GATAD2B: variants seen among roughly 807,000 people sequenced by gnomAD.
The protein encoded by GATAD2B is transcriptional repressor p66-beta.
GATAD2B carries 8 observed loss-of-function variants against 64.3 expected under a neutral mutation model. That is an observed-to-expected ratio of 0.12 (90% CI 0.07 to 0.22). The LOEUF is 0.22. GATAD2B is among the 10% of genes least tolerant of loss of function. The probability of loss-of-function intolerance (pLI) is 1.00; values close to 1 mark genes in which losing one functional copy is unlikely to be tolerated. For missense variants in GATAD2B, 453 were observed against 752.0 expected (o/e 0.60, Z 4.65); for synonymous variants, 281 against 271.3 (o/e 1.04, Z -0.35).
chr1:153,915,741 T>TAAAAAAA (rs56236211), intron 1 of GATAD2B, among the ~76,000 whole-genome samples: 2 of 98,086 alleles, frequency 2.0e-5, no homozygotes, highest in African/African-American at 3.7e-5. Flanking sequence ...CTTGTCTATA[T>TAAAAAAA]AAAAAAAAAA....
At chr1:153,898,083 C>T (rs1033916603) in intron 1 of GATAD2B, among the ~76,000 whole-genome samples, 17 of 150,256 alleles carry the variant, frequency 1.1e-4, no homozygotes, top group Non-Finnish European at 1.9e-4. Flanking sequence ...GCAGGCCAAT[C>T]GCTTCAGTCC....
chr1:153,900,111 T>C (rs546800537), intron 1 of GATAD2B, among the ~76,000 whole-genome samples: 19 of 152,250 alleles, frequency 1.2e-4, no homozygotes, highest in Admixed American at 9.2e-4. Context: ...ATATATATTC[T>C]ATTAAAAATT....
intron 1 of GATAD2B, chr1:153,890,742 T>A (rs1232692167): frequency 1.3e-5 from 2 of 152,214 alleles, no homozygotes; most frequent in African/African-American, 4.8e-5. Context: ...AAAACTGGCA[T>A]CCATCATTAC....
At chr1:153,863,710 G>A (rs1441595754) in intron 1 of GATAD2B, among the ~76,000 whole-genome samples, 2 of 151,276 alleles carry the variant, frequency 1.3e-5, no homozygotes, top group South Asian at 2.1e-4. Context: ...TGCAACCTCC[G>A]CCTCCCAAGT....
At chr1:153,839,903 G>C (rs929278680) in intron 1 of GATAD2B, among the ~76,000 whole-genome samples, 5 of 151,998 alleles carry the variant, frequency 3.3e-5, no homozygotes, top group African/African-American at 1.2e-4. Context: ...GAACCTGGGA[G>C]GCAGAGGTTG....
intron 1 of GATAD2B, among the ~76,000 whole-genome samples, chr1:153,908,782 G>GGAAA (rs1553199455): frequency 1.9e-4 from 6 of 31,864 alleles, no homozygotes; most frequent in East Asian, 1.2e-3. Flanking sequence ...AACATACTTG[G>GGAAA]AAAAAAAAAA....
chr1:153,825,598 A>G (rs770254396), intron 2 of GATAD2B, among the ~76,000 whole-genome samples: 5 of 151,938 alleles, frequency 3.3e-5, no homozygotes, highest in Non-Finnish European at 5.9e-5. Context: ...TAATTTTTTC[A>G]TATTTTTAGT....
At chr1:153,848,663 G>T (rs753120958) in intron 1 of GATAD2B, among the ~76,000 whole-genome samples, 1 of 152,090 alleles carries the variant, frequency 6.6e-6, no homozygotes, top group Non-Finnish European at 1.5e-5. Flanking sequence ...TTTGGGTGTT[G>T]TCTTAGTCCA....
chr1:153,805,106 C>T lies in GATAD2B; in HGVS notation c.*5071G>A, dbSNP rs1274702678. 7.0e-6 allele frequency: 1 copy of T among 142,620 alleles called. No individual in the cohort carries two copies. The highest frequency in any genetic ancestry group is 2.6e-5 in the African/African-American group (1 of 39,140). 8.8% of individuals were successfully genotyped at this position (142,620 alleles called of 1,614,324 possible). On this transcript the variant is annotated 3_prime_UTR_variant, in exon 11 of 11. Transcript: ENST00000368655. ...ACCCCAATCTATCCTTTCACCTTCA[C>T]CAGGGCTTCACCCATCACCCTGTAC...
At chr1:153,921,986 C>T (rs1401647727) in intron 1 of GATAD2B, 1 of 152,200 alleles carries the variant, frequency 6.6e-6, no homozygotes, top group East Asian at 1.9e-4. Context: ...GTAAGTTCCA[C>T]CGACCCTCAG....
At chr1:153,874,081 G>C (rs777358976) in intron 1 of GATAD2B, among the ~76,000 whole-genome samples, 5 of 151,962 alleles carry the variant, frequency 3.3e-5, no homozygotes, top group Non-Finnish European at 5.9e-5. Flanking sequence ...GGCCAACATG[G>C]TGAAATCCCA....
chr1:153,887,378 T>C (rs1245194496), intron 1 of GATAD2B, among the ~76,000 whole-genome samples: 1 of 152,178 alleles, frequency 6.6e-6, no homozygotes, highest in African/African-American at 2.4e-5. Flanking sequence ...TTTCAATCAC[T>C]TGGGAGTTAC....
At chr1:153,830,305 G>A (rs959464688) in intron 1 of GATAD2B, among the ~76,000 whole-genome samples, 4 of 151,424 alleles carry the variant, frequency 2.6e-5, no homozygotes, top group South Asian at 2.1e-4. Flanking sequence ...GTGCCACCAC[G>A]TCCAGCTAAT....
intron 1 of GATAD2B, among the ~76,000 whole-genome samples, chr1:153,847,644 G>C (rs552683318): frequency 6.6e-6 from 1 of 150,574 alleles, no homozygotes; most frequent in African/African-American, 2.4e-5. Flanking sequence ...TTTTTTCCTT[G>C]AAGATTCATA....
chr1:153,826,008 T>C (rs1326090508), intron 2 of GATAD2B, among the ~76,000 whole-genome samples: 2 of 20,826 alleles, frequency 9.6e-5, no homozygotes, highest in Non-Finnish European at 9.5e-4. Flanking sequence ...TAAACTGACT[T>C]TTTTTTTTTT....
chr1:153,868,712 T>A (rs542857031), intron 1 of GATAD2B, among the ~76,000 whole-genome samples: 5 of 151,888 alleles, frequency 3.3e-5, no homozygotes, highest in Non-Finnish European at 7.4e-5. Context: ...TGTCACCAGT[T>A]TTCCCACTAA....
intron 7 of GATAD2B, among the ~76,000 whole-genome samples, chr1:153,815,444 A>G (rs1674446140): frequency 1.1e-5 from 1 of 90,236 alleles, no homozygotes; most frequent in South Asian, 3.7e-4. Flanking sequence ...ACAACATACA[A>G]CAAAAACAAT....
chr1:153,811,575 T>C lies in GATAD2B; in HGVS notation c.1648+156A>G, dbSNP rs1015719613. 3 of 703,236 alleles carry C rather than the reference T, an allele frequency of 4.3e-6. No homozygotes were observed. In the African/African-American group the frequency reaches 5.4e-5, roughly 13 times the overall value. 43.6% of individuals were successfully genotyped at this position (703,236 alleles called of 1,614,324 possible). ...ATTGTGGGTGGCACTTAATATGAAT[T>C]TAGCAAACATTTGCTGAGTAACAGA... On this transcript the variant is annotated intron_variant, in intron 10 of 10. Transcript: ENST00000368655.
chr1:153,821,730 A>AT (rs1252850933), intron 2 of GATAD2B, among the ~76,000 whole-genome samples: 9 of 150,574 alleles, frequency 6.0e-5, no homozygotes, highest in African/African-American at 1.2e-4. Context: ...CGCCTGGCTA[A>AT]TTTTTTTTTG....
Sources: allele counts gnomAD v4.1 joint callset (sites outside exome capture counted in the v4.1 genomes callset), GRCh38; gene constraint gnomAD v4.1.1; transcripts MANE v1.5; gene names NCBI Gene and HGNC (gene_info 2026-07-23, HGNC 2026-07-21).